Variants in USP34 observed in about 807,000 individuals in gnomAD.
USP34 encodes ubiquitin carboxyl-terminal hydrolase 34.
A neutral mutation model predicts 460.3 loss-of-function variants in USP34; 70 were observed. The observed-to-expected ratio is 0.15, with a 90% CI of 0.13 to 0.19. USP34 has a LOEUF of 0.19. Among genes scored for constraint, USP34 ranks in the 10% least tolerant of loss-of-function variants. The probability of loss-of-function intolerance (pLI) is 1.00; values close to 1 mark genes in which losing one functional copy is unlikely to be tolerated. For missense variants in USP34, 3,985 were observed against 4,236.2 expected (o/e 0.94, Z 1.65); for synonymous variants, 1,647 against 1,405.3 (o/e 1.17, Z -3.85).
At chr2:61,396,213 T>A (rs2103906187) in intron 3 of USP34, among the ~76,000 whole-genome samples, 1 of 152,334 alleles carries the variant, frequency 6.6e-6, no homozygotes, top group Non-Finnish European at 1.5e-5. Context: ...GAGTTACACG[T>A]GCTTCCATTG....
At chr2:61,253,608 T>G (rs894469357) in intron 48 of USP34, among the ~76,000 whole-genome samples, 1 of 152,220 alleles carries the variant, frequency 6.6e-6, no homozygotes, top group African/African-American at 2.4e-5. Flanking sequence ...TAAGCAATTT[T>G]AGTATCTTAT....
intron 1 of USP34, among the ~76,000 whole-genome samples, chr2:61,421,797 A>ATG (rs1694366032): frequency 2.7e-5 from 4 of 147,300 alleles, no homozygotes; most frequent in African/African-American, 7.6e-5. Flanking sequence ...ACACACACAC[A>ATG]CGCGCGCGCG....
At chr2:61,298,572 A>AAAAC (rs1690115222) in intron 29 of USP34, among the ~76,000 whole-genome samples, 1 of 130,152 alleles carries the variant, frequency 7.7e-6, no homozygotes, top group Non-Finnish European at 1.7e-5. Flanking sequence ...AAAAAAAAAA[A>AAAAC]TCTGCTGAAA....
intron 21 of USP34, among the ~76,000 whole-genome samples, chr2:61,324,398 A>G (rs1332851316): frequency 6.6e-6 from 1 of 152,210 alleles, no homozygotes; most frequent in Non-Finnish European, 1.5e-5. Flanking sequence ...AGTGATTTTC[A>G]AAAGATTAGC....
chr2:61,375,214 C>T (rs1409366727), intron 8 of USP34, among the ~76,000 whole-genome samples: 2 of 152,016 alleles, frequency 1.3e-5, no homozygotes, highest in Non-Finnish European at 2.9e-5. Flanking sequence ...CTTTACACCC[C>T]CTAAATGGCA....
intron 19 of USP34, among the ~76,000 whole-genome samples, chr2:61,333,069 C>T (rs551256157): frequency 2.0e-5 from 3 of 152,102 alleles, no homozygotes; most frequent in South Asian, 2.1e-4. Context: ...CAAATGTCTC[C>T]GAAATCTCTC....
At chr2:61,437,774 A>AAAAAAAATAAATAAATAAAT (rs1694855072) in intron 1 of USP34, among the ~76,000 whole-genome samples, 1 of 134,540 alleles carries the variant, frequency 7.4e-6, no homozygotes, top group African/African-American at 2.8e-5. Flanking sequence ...CTCCGTCTCA[A>AAAAAAAATAAATAAATAAAT]AAATAAATAA....
chr2:61,378,937 A>AAAAAAAAAAAT (rs1692886184), intron 7 of USP34, among the ~76,000 whole-genome samples: 1 of 131,452 alleles, frequency 7.6e-6, no homozygotes, highest in Non-Finnish European at 1.6e-5. Flanking sequence ...AAAAAAAAAA[A>AAAAAAAAAAAT]CAACACTAAA....
chr2:61,401,238 T>C (rs1184528274), intron 3 of USP34, among the ~76,000 whole-genome samples: 1 of 151,712 alleles, frequency 6.6e-6, no homozygotes, highest in East Asian at 1.9e-4. Context: ...TTAACATAAA[T>C]GCAGTGGTTT....
intron 20 of USP34, among the ~76,000 whole-genome samples, chr2:61,326,278 G>A (rs898692254): frequency 6.6e-6 from 1 of 152,166 alleles, no homozygotes; most frequent in African/African-American, 2.4e-5. Context: ...CAGAATCACC[G>A]CTCACTGCAA....
chr2:61,228,818 T>C lies in USP34; in HGVS notation c.7368+9A>G, dbSNP rs751653584. The C allele has an allele frequency of 7.5e-6, 12 of 1,595,762 alleles. No individual in the cohort carries two copies. Among genetic ancestry groups the C allele is most frequent in the African/African-American group, 4.1e-5 (3 of 73,994 alleles). Reference sequence around the variant, plus strand: ...GATAATCAAAAAAATAGACAAGATATAGCCTCACCTCTTCTTCACCCATTT... The same window carrying C: ...GATAATCAAAAAAATAGACAAGATACAGCCTCACCTCTTCTTCACCCATTT... On this transcript the variant is annotated intron_variant, in intron 60 of 79. Transcript: ENST00000398571.
At chr2:61,191,669 TTCTG>T (rs1686647742) in intron 76 of USP34, among the ~76,000 whole-genome samples, 2 of 152,056 alleles carry the variant, frequency 1.3e-5, no homozygotes, top group Non-Finnish European at 2.9e-5. Flanking sequence ...GCACAGTGAG[TTCTG>T]TCTGTGAAAG....
chr2:61,455,662 C>G (rs1440517980), intron 1 of USP34, among the ~76,000 whole-genome samples: 1 of 152,120 alleles, frequency 6.6e-6, no homozygotes, highest in Non-Finnish European at 1.5e-5. Flanking sequence ...ATCAAGTCCA[C>G]AAAGTTTTCT....
At chr2:61,440,832 A>G (rs115327327) in intron 1 of USP34, among the ~76,000 whole-genome samples, 1 of 145,006 alleles carries the variant, frequency 6.9e-6, no homozygotes, top group Admixed American at 6.8e-5. Context: ...TTTTTAATTT[A>G]AAAAAAAAAA....
chr2:61,382,557 G>A (rs1353472051), intron 6 of USP34, among the ~76,000 whole-genome samples: 2 of 152,136 alleles, frequency 1.3e-5, no homozygotes, highest in Admixed American at 1.3e-4. Context: ...TTCTTTGCCT[G>A]ATACTGTCTC....
intron 1 of USP34, among the ~76,000 whole-genome samples, chr2:61,458,647 A>G (rs987870754): frequency 6.7e-5 from 10 of 149,688 alleles, no homozygotes. Context: ...AAAGGCAAAG[A>G]GAACAAGGGA....
intron 21 of USP34, 61 bp from the exon 22 acceptor site, chr2:61,319,388 T>G: frequency 1.5e-6 from 2 of 1,293,210 alleles, no homozygotes; most frequent in African/African-American, 1.5e-5. Flanking sequence ...TAAACTTCTC[T>G]TAGGCATGTG....
At chr2:61,448,931 G>T (rs1695192754) in intron 1 of USP34, among the ~76,000 whole-genome samples, 1 of 152,194 alleles carries the variant, frequency 6.6e-6, no homozygotes, top group Non-Finnish European at 1.5e-5. Context: ...AAGGCAGGTG[G>T]ATCACCTGAG....
At chr2:61,237,763 A>G (rs1453937998) in intron 53 of USP34, among the ~76,000 whole-genome samples, 1 of 147,652 alleles carries the variant, frequency 6.8e-6, no homozygotes, top group African/African-American at 2.5e-5. Context: ...TTTTGTAGAG[A>G]TGGGGTTTTG....
Sources: allele counts gnomAD v4.1 joint callset (sites outside exome capture counted in the v4.1 genomes callset), GRCh38; gene constraint gnomAD v4.1.1; transcripts MANE v1.5; gene names NCBI Gene and HGNC (gene_info 2026-07-23, HGNC 2026-07-21).